APP: variants seen among roughly 807,000 people sequenced by gnomAD.
The protein encoded by APP is amyloid beta precursor protein.
In APP, 31 loss-of-function variants were observed where a neutral mutation model predicts 101.4. That is an observed-to-expected ratio of 0.31 (90% CI 0.23 to 0.41). The LOEUF is 0.41. Among genes scored for constraint, APP ranks in the 10% least tolerant of loss-of-function variants. The pLI is 1.00. For missense variants in APP, 839 were observed against 1,003.7 expected (o/e 0.84, Z 2.22); for synonymous variants, 366 against 364.4 (o/e 1.00, Z -0.05).
At chr21:26,109,701 T>TG (rs1278316898) in intron 2 of APP, among the ~76,000 whole-genome samples, 1 of 126,430 alleles carries the variant, frequency 7.9e-6, no homozygotes, top group Non-Finnish European at 1.6e-5. Context: ...AAAAGAGGGG[T>TG]GTTCCTGGGG....
At chr21:26,099,199 T>A (rs2062008610) in intron 2 of APP, among the ~76,000 whole-genome samples, 1 of 151,764 alleles carries the variant, frequency 6.6e-6, no homozygotes. Context: ...CCAAATTGTG[T>A]CTGCATGACT....
At chr21:26,140,566 T>C (rs2063022340) in intron 1 of APP, 2 of 242,704 alleles carry the variant, frequency 8.2e-6, no homozygotes. Flanking sequence ...CCATCCAAGG[T>C]TGACCAGTGG....
chr21:25,969,922 A>AAAAGG (rs369276904), intron 11 of APP, among the ~76,000 whole-genome samples: 4,291 of 135,818 alleles, frequency 0.032, 227 homozygotes, highest in East Asian at 0.093. Context: ...AGGGGAAGAG[A>AAAAGG]AAAGGAAAGG....
intron 2 of APP, among the ~76,000 whole-genome samples, chr21:26,105,901 C>T (rs140646494): frequency 3.3e-3 from 499 of 152,302 alleles, no homozygotes; most frequent in Non-Finnish European, 4.2e-3. Flanking sequence ...TCTATTTTGC[C>T]CATGCCATTC....
chr21:26,120,052 T>C (rs1260936993), intron 1 of APP, among the ~76,000 whole-genome samples: 1 of 152,192 alleles, frequency 6.6e-6, no homozygotes, highest in Non-Finnish European at 1.5e-5. Flanking sequence ...CTGTTTTATA[T>C]CAAATGTAGC....
At chr21:26,056,205 T>C (rs550779522) in intron 3 of APP, among the ~76,000 whole-genome samples, 20 of 152,088 alleles carry the variant, frequency 1.3e-4, no homozygotes, top group South Asian at 2.1e-4. Flanking sequence ...GCCCAGCTAA[T>C]TATTTCACTT....
In APP at chr21:26,156,103, A is replaced by C. The variant is rs991342974; in HGVS notation, c.57+14461T>G. Among the ~76,000 whole-genome samples, 125 of 151,252 alleles carry C rather than the reference A, an allele frequency of 8.3e-4. 2 individuals are homozygous for C. Among genetic ancestry groups the C allele is most frequent in the Admixed American group, 8.2e-3 (124 of 15,196 alleles). On this transcript the variant is annotated intron_variant, in intron 1 of 17. Coordinates refer to ENST00000346798, the MANE Select transcript of APP (RefSeq NM_000484.4). ...AATAATCCTAAGTGGATGTGCCTTT[A>C]TGCAGGCACTTGTGGCCTTTTTGTT...
chr21:25,996,271 C>T (rs1376085381), intron 8 of APP, among the ~76,000 whole-genome samples: 2 of 152,166 alleles, frequency 1.3e-5, no homozygotes, highest in Non-Finnish European at 2.9e-5. Flanking sequence ...CACCTCTAAC[C>T]TACCATTATG....
At chr21:26,121,429 C>T (rs2062567905) in intron 1 of APP, among the ~76,000 whole-genome samples, 1 of 152,002 alleles carries the variant, frequency 6.6e-6, no homozygotes, top group South Asian at 2.1e-4. Context: ...ACTCTGTCGC[C>T]CAGGCTGGAG....
intron 5 of APP, among the ~76,000 whole-genome samples, chr21:26,030,373 T>A (rs7278738): frequency 0.93 from 142,195 of 152,266 alleles, 66,627 homozygotes; most frequent in Non-Finnish European, 0.97. Context: ...GTACTAAAAA[T>A]TTATGTTAAT....
At chr21:26,084,696 A>T (rs1194047803) in intron 3 of APP, among the ~76,000 whole-genome samples, 1 of 152,146 alleles carries the variant, frequency 6.6e-6, no homozygotes, top group East Asian at 1.9e-4. Flanking sequence ...GCAATTTTGG[A>T]GGGAAAAAAA....
At chr21:25,931,598 G>C (rs936642183) in intron 13 of APP, among the ~76,000 whole-genome samples, 1 of 152,130 alleles carries the variant, frequency 6.6e-6, no homozygotes, top group African/African-American at 2.4e-5. Flanking sequence ...CAAAAGCATA[G>C]CCGATAAGGA....
At chr21:26,042,242 A>G (rs528929131) in intron 5 of APP, among the ~76,000 whole-genome samples, 1 of 152,370 alleles carries the variant, frequency 6.6e-6, no homozygotes, top group East Asian at 1.9e-4. Context: ...AAAGATATAT[A>G]GTCAAATACA....
intron 1 of APP, among the ~76,000 whole-genome samples, chr21:26,144,899 A>G (rs1363778938): frequency 6.6e-6 from 1 of 152,258 alleles, no homozygotes; most frequent in Non-Finnish European, 1.5e-5. Context: ...TTATGCTTCC[A>G]GTACTTTCAA....
intron 13 of APP, among the ~76,000 whole-genome samples, chr21:25,916,541 C>T (rs2039357608): frequency 6.6e-6 from 1 of 152,116 alleles, no homozygotes; most frequent in Non-Finnish European, 1.5e-5. Flanking sequence ...TCTTTGACTT[C>T]CATGGTGAGA....
chr21:26,075,397 C>G (rs1375731266), intron 3 of APP, among the ~76,000 whole-genome samples: 1 of 152,152 alleles, frequency 6.6e-6, no homozygotes, highest in African/African-American at 2.4e-5. Context: ...TCTTATCAGG[C>G]CCTCAAAGCC....
At chr21:26,116,618 C>T (rs191267488) in intron 1 of APP, among the ~76,000 whole-genome samples, 1 of 152,158 alleles carries the variant, frequency 6.6e-6, no homozygotes, top group Non-Finnish European at 1.5e-5. Context: ...TCCTCCCCAA[C>T]AGGGTCTCAA....
At chr21:26,012,720 A>AC (rs2043864155) in intron 6 of APP, among the ~76,000 whole-genome samples, 1 of 152,210 alleles carries the variant, frequency 6.6e-6, no homozygotes, top group African/African-American at 2.4e-5. Context: ...CAAACCAGTA[A>AC]CCCAGCACTT....
At chr21:26,118,912 A>C (rs574437364) in intron 1 of APP, among the ~76,000 whole-genome samples, 2 of 152,106 alleles carry the variant, frequency 1.3e-5, no homozygotes, top group Non-Finnish European at 2.9e-5. Context: ...AAATATATAT[A>C]TAGTATTTGA....
Sources: allele counts gnomAD v4.1 joint callset (sites outside exome capture counted in the v4.1 genomes callset), GRCh38; gene constraint gnomAD v4.1.1; transcripts MANE v1.5; gene names NCBI Gene and HGNC (gene_info 2026-07-23, HGNC 2026-07-21).